The following CCDC28B variants were observed in gnomAD, a reference collection of about 807,000 sequenced individuals.
The protein encoded by CCDC28B is coiled-coil domain containing 28B.
In CCDC28B, 17 loss-of-function variants were observed where a neutral mutation model predicts 18.7. The ratio of observed to expected loss-of-function variants is 0.91; its 90% confidence interval spans 0.62 to 1.36. CCDC28B has a LOEUF of 1.36. Ranked by LOEUF, CCDC28B falls within the 40% of genes most tolerant of loss-of-function variation. The probability of loss-of-function intolerance (pLI) is 0.00; values close to 1 mark genes in which losing one functional copy is unlikely to be tolerated. For synonymous variants in CCDC28B, 116 were observed against 105.1 expected (o/e 1.10, Z -0.64); for missense variants, 213 against 251.7 (o/e 0.85, Z 1.04).
Position 32,204,588 on chromosome 1 carries a change from T to G in CCDC28B, c.526-10T>G. On this transcript the variant is annotated splice_polypyrimidine_tract_variant and intron_variant, in intron 4 of 5. Coordinates refer to ENST00000373602, the MANE Select transcript of CCDC28B (RefSeq NM_024296.5). ...CTAACAGAAGCCTCCCTTTTTCTCT[T>G]TGTTGGCAGCTGGAAGACCTCAGTA... The G allele has an allele frequency of 6.4e-7, 1 of 1,562,036 alleles. No homozygotes were observed. Among genetic ancestry groups the G allele is most frequent in the Non-Finnish European group, 8.7e-7 (1 of 1,155,516 alleles).
intron 5 of CCDC28B, 139 bp downstream of exon 5, chr1:32,204,759 C>T (rs1182250981): frequency 6.2e-7 from 1 of 1,613,372 alleles, no homozygotes; most frequent in East Asian, 2.2e-5. Flanking sequence ...ACAGACTGCC[C>T]AAACCCAGGT....
In CCDC28B at chr1:32,205,014, C is replaced by G. The variant is rs936298091; in HGVS notation, c.549-180C>G. ...CCCCAGTGTGTCTGACCTGCACGATCTGGATGAAGAGAGAGGGGGTGAGAG... is the reference window on the plus strand; with the variant it reads ...CCCCAGTGTGTCTGACCTGCACGATGTGGATGAAGAGAGAGGGGGTGAGAG... On this transcript the variant is annotated intron_variant, in intron 5 of 5. Transcript: ENST00000373602. The surrounding 1 kb of genome is among the most constrained non-coding windows in gnomAD (Gnocchi z 5.6). The G allele has an allele frequency of 1.7e-6, 2 of 1,183,780 alleles. No individual in the cohort carries two copies. Among genetic ancestry groups the G allele is most frequent in the Non-Finnish European group, 2.3e-6 (2 of 854,022 alleles). 73.3% of individuals were successfully genotyped at this position (1,183,780 alleles called of 1,614,324 possible).
upstream of CCDC28B, chr1:32,197,268 A>G (rs1643046317): frequency 2.0e-5 from 3 of 152,344 alleles, no homozygotes; most frequent in Non-Finnish European, 4.4e-5. The surrounding 1 kb of genome is among the most constrained non-coding windows in gnomAD (Gnocchi z 4.6). Context: ...TGGCCCACAT[A>G]ATTGCCTGAC....
In CCDC28B at chr1:32,205,229, A is replaced by AG; in HGVS notation, c.586dup (p.Glu196GlyfsTer44). On this transcript the variant is annotated frameshift_variant, in exon 6 of 6. Coordinates refer to ENST00000373602, the MANE Select transcript of CCDC28B (RefSeq NM_024296.5). LOFTEE classifies it high-confidence loss of function. This position sits in a 1 kb window ranked among gnomAD's most constrained non-coding sequence, Gnocchi z 5.6. Reference sequence around the variant, plus strand: ...CACCTGGCCGAGAACGCCGAGCCTGAGGAGCAGTCCGCTGCGTAGGCGTCC... The same window carrying AG: ...CACCTGGCCGAGAACGCCGAGCCTGAGGGAGCAGTCCGCTGCGTAGGCGTCC... The AG allele has an allele frequency of 6.2e-7, 1 of 1,613,818 alleles. No homozygotes were observed.
At chr1:32,203,480 G>A (rs751641167) in intron 2 of CCDC28B, among the ~76,000 whole-genome samples, 1 of 152,174 alleles carries the variant, frequency 6.6e-6, no homozygotes, top group East Asian at 1.9e-4. Flanking sequence ...AAAGAAGAGG[G>A]GCAGAAAGAT....
rs1569687225 is a variant in CCDC28B at position 32,205,363 on chromosome 1, T to G, written c.*115T>G. ...TGCTATGGGGGAGGGGGGCGTTGAATGGAATTAAACCAGAAAGAAAGCAAG... is the reference window on the plus strand; with the variant it reads ...TGCTATGGGGGAGGGGGGCGTTGAAGGGAATTAAACCAGAAAGAAAGCAAG... On this transcript the variant is annotated 3_prime_UTR_variant, in exon 6 of 6. Coordinates refer to ENST00000373602, the MANE Select transcript of CCDC28B (RefSeq NM_024296.5). This position sits in a 1 kb window ranked among gnomAD's most constrained non-coding sequence, Gnocchi z 5.6. The G allele has an allele frequency of 1.8e-6, 2 of 1,104,878 alleles. No homozygotes were observed. Among genetic ancestry groups the G allele is most frequent in the East Asian group, 5.3e-5 (2 of 37,854 alleles). The allele number at this position is 1,104,878 out of a possible 1,614,324, so 68.4% of individuals were successfully genotyped here. A position where few individuals can be genotyped will look rare whatever the true frequency, so the allele number is the denominator to read the frequency against.
intron 3 of CCDC28B, 62 bp from the exon 4 acceptor site, chr1:32,204,124 G>A: frequency 6.2e-7 from 1 of 1,603,524 alleles, no homozygotes; most frequent in Non-Finnish European, 8.5e-7. Flanking sequence ...CTGGGACCAT[G>A]GTTCCAGGGT....
chr1:32,204,931 T>A, intron 5 of CCDC28B: 1 of 1,432,572 alleles, frequency 7.0e-7, no homozygotes, highest in Non-Finnish European at 9.3e-7. Context: ...TTTTACTAAT[T>A]TACACTACCA....
chr1:32,201,068 C>T (rs576913449), intron 1 of CCDC28B, among the ~76,000 whole-genome samples: 2 of 143,204 alleles, frequency 1.4e-5, no homozygotes, highest in South Asian at 5.0e-4. Flanking sequence ...AAGTTAGGCT[C>T]GGTAGCAGCA....
chr1:32,203,781 T>C, intron 2 of CCDC28B, 98 bp from the exon 3 acceptor site: 1 of 959,496 alleles, frequency 1.0e-6, no homozygotes, highest in Non-Finnish European at 1.5e-6. Flanking sequence ...TTAGTGCAGA[T>C]AGACAGATAA....
Position 32,205,138 on chromosome 1 carries a change from A to G in CCDC28B, c.549-56A>G, listed in dbSNP as rs1029028904. On this transcript the variant is annotated intron_variant, in intron 5 of 5. Coordinates refer to ENST00000373602, the MANE Select transcript of CCDC28B (RefSeq NM_024296.5). The surrounding 1 kb of genome is among the most constrained non-coding windows in gnomAD (Gnocchi z 5.6). The stretch of plus-strand genomic sequence containing the variant: ...GGGAACTAAACCTGTGCAAGATGGG[A>G]GACCGGGGTGGGAGGAAGGACTGGT... 8.1e-6 allele frequency: 13 copies of G among 1,600,952 alleles called. No individual in the cohort carries two copies. In the African/African-American group the frequency reaches 1.1e-4, roughly 13 times the overall value.
At chr1:32,202,213 T>C (rs766947952) in intron 2 of CCDC28B, 114 bp downstream of exon 2, 2 of 1,328,176 alleles carry the variant, frequency 1.5e-6, no homozygotes, top group Middle Eastern at 1.8e-4. Context: ...GATGCCTTTC[T>C]GGAGCAGACC....
At chr1:32,200,059 C>A (rs1643114497), upstream of CCDC28B, among the ~76,000 whole-genome samples, 1 of 152,204 alleles carries the variant, frequency 6.6e-6, no homozygotes, top group African/African-American at 2.4e-5. Flanking sequence ...CCTGTCACTT[C>A]ATCTGCGGCA....
At chr1:32,196,931 T>C (rs935383121), upstream of CCDC28B, 11 of 152,222 alleles carry the variant, frequency 7.2e-5, no homozygotes, top group African/African-American at 2.2e-4. Context: ...TGCATCAGAG[T>C]TGCCTGCTAT....
At chr1:32,204,543 G>T (rs1401075073) in intron 4 of CCDC28B, 55 bp from the exon 5 acceptor site, 1 of 1,528,760 alleles carries the variant, frequency 6.5e-7, no homozygotes, top group Non-Finnish European at 8.8e-7. Flanking sequence ...GAGCATTGGG[G>T]ATTTGGCCTG....
In CCDC28B at chr1:32,204,316, G is replaced by A. The variant is rs6697820; in HGVS notation, c.462G>A (p.Glu154=). Reference sequence around the variant, plus strand: ...AAGAGGAAGAGGATGGGGTCACTGAGGGGCTGCCAGAGGAGCAGAAGAAGA... The same window carrying A: ...AAGAGGAAGAGGATGGGGTCACTGAAGGGCTGCCAGAGGAGCAGAAGAAGA... ...DDEEEEDGVT[E]GLPEEQKKTM... The change falls in exon 4 of 6, where the codon GAG becomes GAA. Residue 154 remains glutamate (E), a synonymous_variant. Coordinates refer to ENST00000373602, the MANE Select transcript of CCDC28B (RefSeq NM_024296.5). 9.8e-4 allele frequency: 1,575 copies of A among 1,611,468 alleles called. 15 individuals are homozygous for A. In the African/African-American group the frequency reaches 0.018, roughly 19 times the overall value.
chr1:32,199,099 CCT>C (rs1054112184), upstream of CCDC28B, among the ~76,000 whole-genome samples: 3 of 152,186 alleles, frequency 2.0e-5, no homozygotes, highest in African/African-American at 7.2e-5. Context: ...GCATGGGACT[CCT>C]ATATGGGAGA....
chr1:32,197,479 TA>T (rs1272030913), upstream of CCDC28B: 2 of 152,320 alleles, frequency 1.3e-5, no homozygotes, highest in Non-Finnish European at 2.9e-5. This position sits in a 1 kb window ranked among gnomAD's most constrained non-coding sequence, Gnocchi z 4.6. Context: ...TGAGGTTCCC[TA>T]CCTTTTTCTT....
At chr1:32,202,345 C>G (rs1297587442) in intron 2 of CCDC28B, 14 of 671,476 alleles carry the variant, frequency 2.1e-5, no homozygotes, top group Non-Finnish European at 3.5e-5. Context: ...GTGAGCAACT[C>G]TGCAAGAAAG....
Sources: gnomAD v4.1 joint callset for allele counts (sites outside exome capture counted in the v4.1 genomes callset) on GRCh38, gnomAD v4.1.1 for gene constraint, Gnocchi (gnomAD v3.1) non-coding constraint, MANE v1.5 for transcripts, NCBI Gene and HGNC (gene_info 2026-07-23, HGNC 2026-07-21) for gene names.